Variants in NOP2 observed in about 807,000 individuals in gnomAD.
The protein encoded by NOP2 is 28S rRNA (cytosine(4447)-C(5))-methyltransferase.
In NOP2, 7 loss-of-function variants were observed where a neutral mutation model predicts 72.7. That is an observed-to-expected ratio of 0.10 (90% CI 0.05 to 0.18). The LOEUF is 0.18. Ranked by LOEUF, NOP2 falls within the 10% of genes least tolerant of loss-of-function variation. NOP2 has a pLI of 1.00. For missense variants in NOP2, 954 were observed against 1,014.7 expected, an observed-to-expected ratio of 0.94 and a Z score of 0.81; for synonymous variants, 387 against 388.0, an observed-to-expected ratio of 1.00 and a Z score of 0.03.
In NOP2 at chr12:6,563,921, C is replaced by T. The variant is rs186548534; in HGVS notation, c.500G>A (p.Arg167Gln). 165 of 1,613,676 alleles carry T rather than the reference C, an allele frequency of 1.0e-4. No individual in the cohort carries two copies. The East Asian group carries it at 1.2e-3, about 12-fold the overall frequency. ...AGCAGCTTCCCGGGCCTTCTGCTTC[C>T]GAGCAGCTCTTTCAATGGGCAGCAA... is the stretch of plus-strand genomic sequence containing the variant. ...EALLPIERAARKQKAREAAAG... is the reference protein window; with the variant it reads ...EALLPIERAAQKQKAREAAAG... Residue 167 changes from arginine (R) to glutamine (Q), a missense_variant, in exon 6 of 16, where the codon CGG (arginine) becomes CAG (glutamine). By Grantham distance (43) the Arg-to-Gln change is conservative. Around this residue, in one of 3 missense-constraint regions of NOP2, gnomAD observed 498 missense variants for 478.3 expected, o/e 1.04. Transcript: ENST00000322166.
Position 6,563,512 on chromosome 12 carries a change from C to T in NOP2, c.691G>A (p.Ala231Thr). 1.2e-6 allele frequency: 2 copies of T among 1,612,450 alleles called. No homozygotes were observed. Among genetic ancestry groups the T allele is most frequent in the Non-Finnish European group, 1.7e-6 (2 of 1,179,254 alleles). Residue 231 changes from alanine to threonine, a missense_variant and splice_region_variant, in exon 8 of 16, where the codon GCC becomes ACC. Ala to Thr is a moderately conservative substitution (Grantham distance 58). Transcript: ENST00000322166. ...LPPAGEMEQD[A>T]QAPDLQRVHK... ...ACTCGTTGCAGGTCTGGAGCCTGGG[C>T]ATGTGGGCCTGTTAAGGAACTGTGT...
chr12:6,558,878 A>C (rs1947575587), intron 15 of NOP2, among the ~76,000 whole-genome samples: 1 of 152,130 alleles, frequency 6.6e-6, no homozygotes, highest in South Asian at 2.1e-4. Flanking sequence ...TTATTTTTTA[A>C]ATCAGAGAAG....
intron 5 of NOP2, chr12:6,564,288 A>AAC (rs1467731685): frequency 3.8e-6 from 1 of 259,802 alleles, no homozygotes; most frequent in Non-Finnish European, 7.7e-6. Context: ...AAAAAAAAAA[A>AAC]AAAAACCTAA....
Position 6,566,585 on chromosome 12 carries a change from G to T in NOP2, c.182C>A (p.Ala61Asp), listed in dbSNP as rs771948048. ...CTCAGGAGACTTATTTGTCTTAGGG[G>T]CTTCAACAGAGCCCAATCTCCTCTT... ...AAKRRLGSVE[A>D]PKTNKSPEAK... The change falls in exon 4 of 16, where the codon GCC becomes GAC. Residue 61 changes from alanine (A) to aspartate (D), a missense_variant. Physicochemically the swap from Ala to Asp is moderately radical, Grantham distance 126. Coordinates refer to ENST00000322166, the MANE Select transcript of NOP2 (RefSeq NM_001258308.2). 6.2e-7 allele frequency: 1 copy of T among 1,613,996 alleles called. No individual in the cohort carries two copies. Among genetic ancestry groups the T allele is most frequent in the South Asian group, 1.1e-5 (1 of 91,086 alleles).
intron 7 of NOP2, 22 bp downstream of exon 7, chr12:6,563,592 T>C: frequency 1.2e-6 from 2 of 1,608,486 alleles, no homozygotes; most frequent in Non-Finnish European, 1.7e-6. Context: ...TCCTAACTCT[T>C]CACTCTGCCC....
rs1947523400 is a variant in NOP2, at chr12:6,557,553, T to C, written c.1879A>G (p.Lys627Glu). The change falls in exon 16 of 16, where the codon AAG (lysine) becomes GAG (glutamate). Residue 627 changes from lysine (K) to glutamate (E), a missense_variant. This residue lies in a region of NOP2 where 269 missense variants were observed against 260.2 expected (regional missense o/e 1.03). Coordinates refer to ENST00000322166, the MANE Select transcript of NOP2 (RefSeq NM_001258308.2). Reference sequence around the variant, plus strand: ...TGCTGCTTTGTCTTTGCAGCCCCCTTGGCTTTCTTGGCTGGCTGGCTGCTG... The same window carrying C: ...TGCTGCTTTGTCTTTGCAGCCCCCTCGGCTTTCTTGGCTGGCTGGCTGCTG... ...ENSSQPAKKA[K>E]GAAKTKQQLQ... is the part of the protein sequence containing the mutation. The C allele has an allele frequency of 1.9e-6, 3 of 1,613,932 alleles. No individual in the cohort carries two copies. The highest frequency in any genetic ancestry group is 2.5e-6 in the Non-Finnish European group (3 of 1,179,860).
rs367974871 is a variant in NOP2 at position 6,557,148 on chromosome 12, C to T, written c.2284G>A (p.Glu762Lys). The T allele has an allele frequency of 1.2e-6, 2 of 1,613,864 alleles. No homozygotes were observed. The highest frequency in any genetic ancestry group is 2.7e-5 in the African/African-American group (2 of 74,898). ...AAGGCAGCTTTCTCAAAAGGCTGCT[C>T]TGGCAACTGCTGCTTCTCAACCCCC... ...AKGVEKQQLP[E>K]QPFEKAAFQK... The change falls in exon 16 of 16, where the codon GAG (glutamate) becomes AAG (lysine). Residue 762 changes from glutamate (E) to lysine (K), a missense_variant. Glu to Lys is a moderately conservative substitution (Grantham distance 56). This residue lies in a region of NOP2 where 269 missense variants were observed against 260.2 expected (regional missense o/e 1.03). Coordinates refer to ENST00000322166, the MANE Select transcript of NOP2 (RefSeq NM_001258308.2).
chr12:6,557,146 C>G lies in NOP2; in HGVS notation c.2286G>C (p.Glu762Asp), dbSNP rs374348066. ...GGAAGGCAGCTTTCTCAAAAGGCTG[C>G]TCTGGCAACTGCTGCTTCTCAACCC... ...AKGVEKQQLP[E>D]QPFEKAAFQK... Residue 762 changes from glutamate (E) to aspartate (D), a missense_variant, in exon 16 of 16, where the codon GAG becomes GAC. Glu to Asp is a conservative substitution (Grantham distance 45). Around this residue, in one of 3 missense-constraint regions of NOP2, gnomAD observed 269 missense variants for 260.2 expected, o/e 1.03. Coordinates refer to ENST00000322166, the MANE Select transcript of NOP2 (RefSeq NM_001258308.2). The G allele has an allele frequency of 1.9e-6, 3 of 1,613,872 alleles. No homozygotes were observed. The African/African-American group carries it at 4.0e-5, about 22-fold the overall frequency.
Position 6,557,572 on chromosome 12 carries a change from G to C in NOP2, c.1860C>G (p.Ser620Arg). 13 of 1,613,910 alleles carry C rather than the reference G, an allele frequency of 8.1e-6. No individual in the cohort carries two copies. Among genetic ancestry groups the C allele is most frequent in the Non-Finnish European group, 1.1e-5 (13 of 1,179,860 alleles). The change falls in exon 16 of 16, where the codon AGC becomes AGG. Residue 620 changes from serine (S) to arginine (R), a missense_variant. Ser to Arg is a moderately radical substitution (Grantham distance 110). Transcript: ENST00000322166. ...PQVIPKSENS[S>R]QPAKKAKGAA... Reference sequence around the variant, plus strand: ...CCCCCTTGGCTTTCTTGGCTGGCTGGCTGCTGTTCTCAGACTTGGGGATGA... The same window carrying C: ...CCCCCTTGGCTTTCTTGGCTGGCTGCCTGCTGTTCTCAGACTTGGGGATGA...
At chr12:6,562,242 G>A (rs1376333671) in intron 9 of NOP2, among the ~76,000 whole-genome samples, 5 of 152,038 alleles carry the variant, frequency 3.3e-5, no homozygotes, top group Admixed American at 1.3e-4. Context: ...TGCCCGCCTC[G>A]GCCTCCCAAA....
At chr12:6,566,078 A>C (rs572188443) in intron 5 of NOP2, 23 bp downstream of exon 5, 1 of 1,575,866 alleles carries the variant, frequency 6.3e-7, no homozygotes, top group South Asian at 1.1e-5. Context: ...CCTTCTATGA[A>C]TGCCCAAAAA....
Position 6,566,547 on chromosome 12 carries a change from G to A in NOP2, c.220C>T (p.Pro74Ser). The part of the protein sequence containing the change: ...TNKSPEAKPL[P>S]GKLPKGISAG... ...CACGGACCTTTTGGTAGCTTTCCAG[G>A]CAATGGTTTGGCCTCAGGAGACTTA... Residue 74 changes from proline to serine, a missense_variant, in exon 4 of 16, where the codon CCT becomes TCT. Pro to Ser is a moderately conservative substitution (Grantham distance 74). This residue lies in a region of NOP2 where 498 missense variants were observed against 478.3 expected (regional missense o/e 1.04). Coordinates refer to ENST00000322166, the MANE Select transcript of NOP2 (RefSeq NM_001258308.2). The A allele has an allele frequency of 1.2e-6, 2 of 1,613,916 alleles. No homozygotes were observed. The highest frequency in any genetic ancestry group is 1.7e-6 in the Non-Finnish European group (2 of 1,179,856).
chr12:6,564,138 G>A lies in NOP2; in HGVS notation c.475-192C>T, dbSNP rs747683648. 3.4e-6 allele frequency: 5 copies of A among 1,472,072 alleles called. No homozygotes were observed. The South Asian group carries it at 4.8e-5, about 14-fold the overall frequency. 91.2% of individuals were successfully genotyped at this position (1,472,072 alleles called of 1,614,324 possible). The stretch of plus-strand genomic sequence containing the variant: ...TGTTGAAACTAAGTAATGAGGGCAT[G>A]GTGGCACACACCTGTAAATCCCAGC... On this transcript the variant is annotated intron_variant, in intron 5 of 15. Transcript: ENST00000322166.
In NOP2 at chr12:6,561,940, G is replaced by A; in HGVS notation, c.1010C>T (p.Pro337Leu). The change falls in exon 10 of 16, where the codon CCC (proline) becomes CTC (leucine). Residue 337 changes from proline (P) to leucine (L), a missense_variant. By Grantham distance (98) the Pro-to-Leu change is moderately conservative. Coordinates refer to ENST00000322166, the MANE Select transcript of NOP2 (RefSeq NM_001258308.2). ...TCCAGTCTTTGACCACTTGCCCAGG[G>A]GATCCAGGTTAACCCCACGATTGAT... ...ALINRGVNLD[P>L]LGKWSKTGLV... 2.5e-6 allele frequency: 4 copies of A among 1,612,454 alleles called. No individual in the cohort carries two copies. Among genetic ancestry groups the A allele is most frequent in the Non-Finnish European group, 3.4e-6 (4 of 1,179,260 alleles).
At position 6,563,287 on chromosome 12, in the gene NOP2, CA is replaced by C. The variant is rs748131627; in HGVS notation, c.888+27del. On this transcript the variant is annotated intron_variant, in intron 8 of 15. Transcript: ENST00000322166. Reference sequence around the variant, plus strand: ...GCGTAAGGAGGCGAGAAAAGAAAAGCAAAAGAGGCATTCTGGCAATCCAGTA... The same window carrying C: ...GCGTAAGGAGGCGAGAAAAGAAAAGCAAAGAGGCATTCTGGCAATCCAGTA... 1.7e-5 allele frequency: 27 copies of C among 1,566,344 alleles called. No homozygotes were observed. The Middle Eastern group carries it at 5.0e-4, about 29-fold the overall frequency.
rs760673898 is a variant in NOP2, at chr12:6,563,318, A to C, written c.885T>G (p.Ser295=). Residue 295 remains serine, a synonymous_variant, in exon 8 of 16, where the codon TCT becomes TCG. Transcript: ENST00000322166. ...AGGCATTCTGGCAATCCAGTACCTC[A>C]GACAGAGGGAAGAGGTCCATGAGCT... The part of the protein sequence containing the change: ...LGKLMDLFPL[S]ELVEFLEANE... The C allele has an allele frequency of 1.3e-6, 2 of 1,590,242 alleles. No homozygotes were observed. The highest frequency in any genetic ancestry group is 2.3e-5 in the South Asian group (2 of 87,382).
rs1242157848 is a variant in NOP2, at chr12:6,556,989, C to T, written c.*4G>A. On this transcript the variant is annotated 3_prime_UTR_variant, in exon 16 of 16. Transcript: ENST00000322166. The stretch of plus-strand genomic sequence containing the variant: ...AGTGAGCCACCCGTCTAGTTTTCAA[C>T]CATCTAAGATAGCAGCAGCTGGCTG... The T allele has an allele frequency of 6.2e-7, 1 of 1,613,532 alleles. No homozygotes were observed.
chr12:6,567,733 G>C (rs1592249462), intron 2 of NOP2, 83 bp downstream of exon 2: 2 of 1,080,018 alleles, frequency 1.9e-6, no homozygotes, highest in Non-Finnish European at 2.7e-6. Flanking sequence ...AATATAAAAT[G>C]AACAGAAACT....
At chr12:6,566,717 C>T in intron 3 of NOP2, 60 bp downstream of exon 3, 1 of 1,595,732 alleles carries the variant, frequency 6.3e-7, no homozygotes, top group African/African-American at 1.3e-5. Context: ...AGAATTAACT[C>T]TGTGGTCAAA....
Sources: allele counts gnomAD v4.1 joint callset (sites outside exome capture counted in the v4.1 genomes callset), GRCh38; gene constraint gnomAD v4.1.1; regional missense constraint gnomAD v4.1.1; transcripts MANE v1.5; gene names NCBI Gene and HGNC (gene_info 2026-07-23, HGNC 2026-07-21).